Variants in ALPK2 observed in about 807,000 individuals in gnomAD.
ALPK2 encodes the protein alpha kinase 2.
In ALPK2, 127 loss-of-function variants were observed where a neutral mutation model predicts 163.1. That is an observed-to-expected ratio of 0.78 (90% confidence interval 0.67 to 0.90). The LOEUF (loss-of-function observed/expected upper bound fraction) is 0.90, where lower values mean the gene tolerates loss of function less well. Ranked by LOEUF, ALPK2 falls within the 40% of genes least tolerant of loss-of-function variation. The pLI, the probability that ALPK2 is intolerant of heterozygous loss-of-function variation, is 0.00. For missense variants in ALPK2, 2,360 were observed against 2,589.6 expected (o/e 0.91, Z 1.92); for synonymous variants, 953 against 959.1 (o/e 0.99, Z 0.12).
chr18:58,503,144 T>C (rs1390618440), intron 11 of ALPK2, among the ~76,000 whole-genome samples: 1 of 152,250 alleles, frequency 6.6e-6, no homozygotes, highest in Non-Finnish European at 1.5e-5. Context: ...CTCCATTCCA[T>C]AGAAGAAATG....
intron 3 of ALPK2, among the ~76,000 whole-genome samples, chr18:58,599,664 C>G (rs1184071376): frequency 6.6e-6 from 1 of 152,184 alleles, no homozygotes; most frequent in African/African-American, 2.4e-5. Flanking sequence ...TCCAAACTCT[C>G]CTATTTTAAT....
intron 4 of ALPK2, among the ~76,000 whole-genome samples, chr18:58,572,733 A>T (rs562719622): frequency 3.9e-5 from 6 of 152,198 alleles, no homozygotes; most frequent in Non-Finnish European, 8.8e-5. Context: ...GGAAGGAGGT[A>T]TGCATGGTTA....
At chr18:58,606,422 C>T (rs1284168443) in intron 3 of ALPK2, among the ~76,000 whole-genome samples, 3 of 152,192 alleles carry the variant, frequency 2.0e-5, no homozygotes, top group African/African-American at 7.2e-5. Flanking sequence ...GATAAGAAAG[C>T]TTTTGTGTTT....
chr18:58,604,462 T>C (rs980455345), intron 3 of ALPK2, among the ~76,000 whole-genome samples: 2 of 152,212 alleles, frequency 1.3e-5, no homozygotes, highest in African/African-American at 4.8e-5. Flanking sequence ...TGGAATCACC[T>C]GGGATTCCGA....
At chr18:58,523,568 C>T (rs1466962990) in intron 8 of ALPK2, among the ~76,000 whole-genome samples, 1 of 152,220 alleles carries the variant, frequency 6.6e-6, no homozygotes, top group East Asian at 1.9e-4. Context: ...ACATCCTCTC[C>T]AGCACCTGTT....
intron 5 of ALPK2, among the ~76,000 whole-genome samples, chr18:58,531,854 C>T (rs2051616758): frequency 7.5e-6 from 1 of 133,338 alleles, no homozygotes; most frequent in Non-Finnish European, 1.5e-5. Flanking sequence ...TGGAGGATCG[C>T]TTGAACCAGG....
intron 4 of ALPK2, among the ~76,000 whole-genome samples, chr18:58,557,435 G>C (rs1461857287): frequency 6.6e-6 from 1 of 152,040 alleles, no homozygotes; most frequent in African/African-American, 2.4e-5. Context: ...TGATGGTGAT[G>C]TGTCAATGTA....
Position 58,528,938 on chromosome 18 carries a change from C to T in ALPK2, c.5501+153G>A, listed in dbSNP as rs143740145. 5.1e-4 allele frequency: 477 copies of T among 929,302 alleles called. 2 individuals are homozygous for T. In the African/African-American group the frequency reaches 6.7e-3, roughly 13 times the overall value. 57.6% of individuals were successfully genotyped at this position (929,302 alleles called of 1,614,324 possible). A position where few individuals can be genotyped will look rare whatever the true frequency, so the allele number is the denominator to read the frequency against. On this transcript the variant is annotated intron_variant, in intron 6 of 12. Coordinates refer to ENST00000361673, the MANE Select transcript of ALPK2 (RefSeq NM_052947.4). ...TTTCCCCATCCAGACACTTGTCTTC[C>T]GATATTTAGTCTTTTTTAATATTGT...
rs369270426 is a variant in ALPK2 at position 58,504,089 on chromosome 18, T to C, written c.6089A>G (p.Glu2030Gly). 23 of 1,613,994 alleles carry C rather than the reference T, an allele frequency of 1.4e-5. No homozygotes were observed. Among genetic ancestry groups the C allele is most frequent in the Non-Finnish European group, 1.9e-5 (23 of 1,180,014 alleles). ...PENNIPYATV[E>G]EELIGEFVKY... Reference sequence around the variant, plus strand: ...CACAAATTCTCCAATCAGCTCCTCCTCCACTGTAGCATACGGGATATTGTT... The same window carrying C: ...CACAAATTCTCCAATCAGCTCCTCCCCCACTGTAGCATACGGGATATTGTT... The change falls in exon 11 of 13, where the codon GAG becomes GGG. Residue 2030 changes from glutamate (E) to glycine (G), a missense_variant. Glu to Gly is a moderately conservative substitution (Grantham distance 98). Transcript: ENST00000361673.
chr18:58,580,216 G>C lies in ALPK2; in HGVS notation c.560C>G (p.Ser187Cys), dbSNP rs749882026. The C allele has an allele frequency of 6.8e-6, 11 of 1,614,184 alleles. No individual in the cohort carries two copies. The South Asian group carries it at 1.2e-4, about 18-fold the overall frequency. ...LGNLDISVSS[S>C]ENPLGVKGTR... ...TCCTTTAACACCCAAAGGATTTTCA[G>C]AACTGGACACACTAATGTCAAGATT... Residue 187 changes from serine (S) to cysteine (C), a missense_variant, in exon 4 of 13, where the codon TCT (serine) becomes TGT (cysteine). Transcript: ENST00000361673.
intron 12 of ALPK2, among the ~76,000 whole-genome samples, chr18:58,489,846 C>T (rs369305905): frequency 1.6e-3 from 243 of 152,140 alleles, no homozygotes; most frequent in African/African-American, 5.7e-3. Flanking sequence ...GCTGTAATCC[C>T]AGCACTTTGG....
chr18:58,554,451 C>T (rs1037056413), intron 4 of ALPK2, among the ~76,000 whole-genome samples: 3 of 152,232 alleles, frequency 2.0e-5, no homozygotes, highest in Admixed American at 6.5e-5. Context: ...AGGCCACATC[C>T]TGATCCACCA....
Position 58,530,539 on chromosome 18 carries a change from C to A in ALPK2, c.5354-1301G>T, listed in dbSNP as rs1025087957. The stretch of plus-strand genomic sequence containing the variant: ...CATTTCCTAGAGGGTCTTTCCAACA[C>A]CATGCAGTGGCCGGCTTCATGGGTG... On this transcript the variant is annotated intron_variant, in intron 5 of 12. Coordinates refer to ENST00000361673, the MANE Select transcript of ALPK2 (RefSeq NM_052947.4). Among the ~76,000 whole-genome samples the A allele has an allele frequency of 3.9e-5, 6 of 152,202 alleles. No homozygotes were observed. In the East Asian group the frequency reaches 9.6e-4, roughly 24 times the overall value.
chr18:58,501,560 C>A (rs2144110498), intron 11 of ALPK2, among the ~76,000 whole-genome samples: 1 of 152,294 alleles, frequency 6.6e-6, no homozygotes, highest in Non-Finnish European at 1.5e-5. Context: ...CCTCTAACAT[C>A]AGGAGAGACT....
chr18:58,492,077 G>A (rs989364473), intron 12 of ALPK2, among the ~76,000 whole-genome samples: 2 of 152,098 alleles, frequency 1.3e-5, no homozygotes, highest in Non-Finnish European at 2.9e-5. Context: ...ACATCACTCC[G>A]CCGTTAGTCC....
intron 8 of ALPK2, 41 bp from the exon 9 acceptor site, chr18:58,517,223 A>T: frequency 6.3e-7 from 1 of 1,588,428 alleles, no homozygotes; most frequent in Non-Finnish European, 8.6e-7. Flanking sequence ...AATACCTCCC[A>T]GTCCTGCTCC....
chr18:58,516,053 G>GA (rs920922371), intron 9 of ALPK2, among the ~76,000 whole-genome samples: 20 of 150,232 alleles, frequency 1.3e-4, no homozygotes, highest in African/African-American at 2.5e-4. Flanking sequence ...CCCTGTCTCT[G>GA]AAAAAAAAAA....
intron 1 of ALPK2, among the ~76,000 whole-genome samples, chr18:58,614,425 TG>T (rs1315297150): frequency 1.3e-5 from 2 of 152,210 alleles, no homozygotes; most frequent in Non-Finnish European, 2.9e-5. Context: ...CTGGATGACA[TG>T]GGGCTCCGGT....
intron 4 of ALPK2, among the ~76,000 whole-genome samples, chr18:58,540,845 G>T (rs950988962): frequency 6.6e-6 from 1 of 152,206 alleles, no homozygotes; most frequent in African/African-American, 2.4e-5. Context: ...AAGGGCTTCA[G>T]TTAAAAAGTT....
Sources: gnomAD v4.1 joint callset for allele counts (sites outside exome capture counted in the v4.1 genomes callset) on GRCh38, gnomAD v4.1.1 for gene constraint, MANE v1.5 for transcripts, NCBI Gene and HGNC (gene_info 2026-07-23, HGNC 2026-07-21) for gene names.